TEX14: variants seen among roughly 807,000 people sequenced by gnomAD.
TEX14 encodes testis expressed 14, intercellular bridge forming factor.
In TEX14, 168 loss-of-function variants were observed where a neutral mutation model predicts 178.6. The observed-to-expected ratio is 0.94, with a 90% CI of 0.83 to 1.07. The LOEUF is 1.07. Among genes scored for constraint, TEX14 ranks in the 50% least tolerant of loss-of-function variants. TEX14 has a pLI of 0.00. For missense variants in TEX14, 1,730 were observed against 1,753.6 expected, an observed-to-expected ratio of 0.99 and a Z score of 0.24; for synonymous variants, 626 against 634.1, an observed-to-expected ratio of 0.99 and a Z score of 0.19.
intron 2 of TEX14, among the ~76,000 whole-genome samples, chr17:58,637,868 T>C (rs2046473393): frequency 6.6e-6 from 1 of 151,320 alleles, no homozygotes; most frequent in African/African-American, 2.4e-5. Context: ...TTTTTTTTTT[T>C]TTTTTCCTTT....
chr17:58,613,855 T>C (rs1359878539), intron 8 of TEX14, among the ~76,000 whole-genome samples: 1 of 152,092 alleles, frequency 6.6e-6, no homozygotes, highest in Non-Finnish European at 1.5e-5. Context: ...CTAGTAGAGA[T>C]GGGGTTTCAC....
intron 1 of TEX14, chr17:58,666,530 C>T (rs1293822974): frequency 1.4e-5 from 2 of 147,832 alleles, no homozygotes; most frequent in Non-Finnish European, 3.0e-5. Flanking sequence ...ATTTCAACTA[C>T]CACAACCAGC....
At position 58,598,237 on chromosome 17, in the gene TEX14, C is replaced by A. The variant is rs548015812; in HGVS notation, c.2469+639G>T. ...GCTGAGGCAGGAGAATCACTTGAAC[C>A]CCACAGGTGGAGGTTGTGGTGAGCC... On this transcript the variant is annotated intron_variant, in intron 14 of 31. Coordinates refer to ENST00000349033, the MANE Select transcript of TEX14 (RefSeq NM_031272.5). 3.3e-5 allele frequency among the ~76,000 whole-genome samples: 5 copies of A among 151,766 alleles called. No individual in the cohort carries two copies. In the South Asian group the frequency reaches 1.0e-3, roughly 32 times the overall value.
intron 1 of TEX14, among the ~76,000 whole-genome samples, chr17:58,687,778 C>A (rs2047626611): frequency 6.6e-6 from 1 of 152,180 alleles, no homozygotes; most frequent in Non-Finnish European, 1.5e-5. Flanking sequence ...TATTGGAATA[C>A]TCTGACAGGT....
intron 1 of TEX14, among the ~76,000 whole-genome samples, chr17:58,652,522 C>T (rs1437162232): frequency 1.3e-5 from 2 of 152,088 alleles, no homozygotes; most frequent in Non-Finnish European, 2.9e-5. Context: ...TTTTAAGTTC[C>T]CTGAGGCCTC....
In TEX14 at chr17:58,585,937, G is replaced by C. The variant is rs1224370686; in HGVS notation, c.2934C>G (p.Asn978Lys). ...ACTCAATAACTCGCTGCCAATCCGT[G>C]TTTTCTGGGCTCCTAATGGGGGGCT... ...LLQPPIRSPE[N>K]TDWQRVIEYH... Residue 978 changes from asparagine (N) to lysine (K), a missense_variant, in exon 18 of 32, where the codon AAC becomes AAG. Transcript: ENST00000349033. 6.2e-7 allele frequency: 1 copy of C among 1,614,028 alleles called. No homozygotes were observed. Among genetic ancestry groups the C allele is most frequent in the East Asian group, 2.2e-5 (1 of 44,866 alleles).
rs1389704803 is a variant in TEX14, at chr17:58,636,001, TC to T, written c.137-5448del. Among the ~76,000 whole-genome samples, 9 of 152,144 alleles carry T rather than the reference TC, an allele frequency of 5.9e-5. No homozygotes were observed. The South Asian group carries it at 6.2e-4, about 11-fold the overall frequency. ...CTCAGGTGATCCACCCACCTCAGCC[TC>T]CCAAAGTGTTAGGATTACAGGCGTG... is the stretch of plus-strand genomic sequence containing the variant. On this transcript the variant is annotated intron_variant, in intron 2 of 31. Transcript: ENST00000349033.
chr17:58,673,387 G>A (rs1327166751), intron 1 of TEX14, among the ~76,000 whole-genome samples: 3 of 151,788 alleles, frequency 2.0e-5, no homozygotes, highest in African/African-American at 7.3e-5. Flanking sequence ...GGAGGCTGAG[G>A]CAGGAAAATC....
chr17:58,668,307 T>C (rs2143442508), intron 1 of TEX14, among the ~76,000 whole-genome samples: 1 of 152,336 alleles, frequency 6.6e-6, no homozygotes, highest in East Asian at 1.9e-4. Flanking sequence ...TCTCTATACC[T>C]ATCCTGATGG....
rs112297219 is a variant in TEX14 at position 58,598,799 on chromosome 17, T to G, written c.2469+77A>C. 11,741 of 1,348,576 alleles carry G rather than the reference T, an allele frequency of 8.7e-3. 60 individuals carry two copies. Among genetic ancestry groups the G allele is most frequent in the Non-Finnish European group, 0.01 (10,199 of 979,444 alleles). 83.5% of individuals were successfully genotyped at this position (1,348,576 alleles called of 1,614,324 possible). A position where few individuals can be genotyped will look rare whatever the true frequency, so the allele number is the denominator to read the frequency against. On this transcript the variant is annotated intron_variant, in intron 14 of 31. Transcript: ENST00000349033. ...ATCCCCAGTGTTTACTTTGGAGACT[T>G]GGGTGAAAGGTTTCCAGCCACAACC...
At chr17:58,628,434 CG>C (rs1438873693) in intron 3 of TEX14, among the ~76,000 whole-genome samples, 9 of 151,016 alleles carry the variant, frequency 6.0e-5, no homozygotes, top group African/African-American at 1.7e-4. Context: ...AAAATTAGGC[CG>C]GGCGCAGTGG....
intron 1 of TEX14, among the ~76,000 whole-genome samples, chr17:58,665,235 T>TC (rs1461912413): frequency 1.3e-5 from 2 of 152,056 alleles, no homozygotes; most frequent in East Asian, 1.9e-4. Context: ...CAAGCCATCC[T>TC]CCTGCCTCAG....
At chr17:58,631,725 C>A (rs369184) in intron 2 of TEX14, 3 of 147,276 alleles carry the variant, frequency 2.0e-5, no homozygotes, top group East Asian at 2.0e-4. Flanking sequence ...CACTGCTATC[C>A]CACTCGTGAG....
At chr17:58,640,177 G>A (rs2046539890) in intron 2 of TEX14, among the ~76,000 whole-genome samples, 1 of 152,068 alleles carries the variant, frequency 6.6e-6, no homozygotes, top group Non-Finnish European at 1.5e-5. Context: ...CAGGTGTGAT[G>A]GCACTTGCCT....
intron 1 of TEX14, among the ~76,000 whole-genome samples, chr17:58,653,677 T>C (rs1437096460): frequency 1.3e-5 from 2 of 152,184 alleles, no homozygotes; most frequent in African/African-American, 4.8e-5. Flanking sequence ...AACCTCTTTC[T>C]CTGCTGCAAC....
intron 1 of TEX14, among the ~76,000 whole-genome samples, chr17:58,658,366 T>C (rs1445638554): frequency 6.7e-6 from 1 of 149,262 alleles, no homozygotes; most frequent in East Asian, 2.0e-4. Flanking sequence ...CCTGTACCAG[T>C]GTGTACCACC....
chr17:58,659,156 A>G (rs984719574), intron 1 of TEX14, among the ~76,000 whole-genome samples: 2 of 151,240 alleles, frequency 1.3e-5, no homozygotes, highest in Admixed American at 6.6e-5. Context: ...CAGGACAGAA[A>G]AGCGCAAAAG....
intron 1 of TEX14, among the ~76,000 whole-genome samples, chr17:58,668,727 A>T (rs2047253734): frequency 6.6e-6 from 1 of 152,200 alleles, no homozygotes; most frequent in African/African-American, 2.4e-5. Context: ...CAAGGGTGAC[A>T]TCTACAGAAA....
In TEX14 at chr17:58,690,649, C is replaced by T. The variant is rs2047685347; in HGVS notation, c.-2+1290G>A. Among the ~76,000 whole-genome samples the T allele has an allele frequency of 2.6e-5, 4 of 152,282 alleles. No individual in the cohort carries two copies. The South Asian group carries it at 6.2e-4, about 24-fold the overall frequency. ...AATCTCCCTGAAGATAGTATTTATG[C>T]ATCCACTGAGCGCTCAAATATAGAC... On this transcript the variant is annotated intron_variant, in intron 1 of 31. Coordinates refer to ENST00000349033, the MANE Select transcript of TEX14 (RefSeq NM_031272.5).
Sources: allele counts gnomAD v4.1 joint callset (sites outside exome capture counted in the v4.1 genomes callset), GRCh38; gene constraint gnomAD v4.1.1; transcripts MANE v1.5; gene names NCBI Gene and HGNC (gene_info 2026-07-23, HGNC 2026-07-21).